The following HSF2BP variants were observed in gnomAD, a reference collection of about 807,000 sequenced individuals.
HSF2BP encodes heat shock transcription factor 2 binding protein.
Under a neutral mutation model 35.0 loss-of-function variants are expected in HSF2BP, and 35 were observed. The observed-to-expected ratio is 1.00, with a 90% CI of 0.76 to 1.32. HSF2BP has a LOEUF of 1.32. Ranked by LOEUF, HSF2BP falls within the 40% of genes most tolerant of loss-of-function variation. HSF2BP has a pLI of 0.00. For synonymous variants in HSF2BP, 114 were observed against 117.4 expected, an observed-to-expected ratio of 0.97 and a Z score of 0.18; for missense variants, 326 against 321.7, an observed-to-expected ratio of 1.01 and a Z score of -0.10.
intron 4 of HSF2BP, among the ~76,000 whole-genome samples, chr21:43,639,954 T>C (rs1282600436): frequency 3.9e-5 from 6 of 152,128 alleles, no homozygotes; most frequent in African/African-American, 1.4e-4. Flanking sequence ...TACCATGGAA[T>C]ATGAGGCAAT....
chr21:43,633,473 A>G (rs1158087570), intron 4 of HSF2BP, 52 bp from the exon 5 acceptor site: 2 of 1,406,464 alleles, frequency 1.4e-6, no homozygotes, highest in East Asian at 2.5e-5. Context: ...ACCTTGATAT[A>G]TCTTTATTAC....
At chr21:43,630,165 T>C (rs2082436325) in intron 6 of HSF2BP, among the ~76,000 whole-genome samples, 157 bp downstream of exon 6, 1 of 152,256 alleles carries the variant, frequency 6.6e-6, no homozygotes, top group African/African-American at 2.4e-5. Context: ...ATAATGCTAT[T>C]GTACATACAA....
At chr21:43,616,685 G>A (rs2082274994) in intron 6 of HSF2BP, among the ~76,000 whole-genome samples, 1 of 152,156 alleles carries the variant, frequency 6.6e-6, no homozygotes, top group Admixed American at 6.5e-5. Flanking sequence ...TGTAATCCCA[G>A]CACTTTGGGA....
In HSF2BP at chr21:43,652,843, G is replaced by A. The variant is rs2082808306; in HGVS notation, c.187+3744C>T. Among the ~76,000 whole-genome samples the A allele has an allele frequency of 3.3e-5, 5 of 152,076 alleles. No individual in the cohort carries two copies. The South Asian group carries it at 1.0e-3, about 32-fold the overall frequency. On this transcript the variant is annotated intron_variant, in intron 3 of 8. Coordinates refer to ENST00000291560, the MANE Select transcript of HSF2BP (RefSeq NM_007031.2). ...ATGAGATAGGACTGCAAACTAGAAAGAAGGGCATCAGGCCAGGCGCAGTGG... is the reference window on the plus strand; with the variant it reads ...ATGAGATAGGACTGCAAACTAGAAAAAAGGGCATCAGGCCAGGCGCAGTGG...
At chr21:43,657,304 G>A (rs1321575765) in intron 2 of HSF2BP, among the ~76,000 whole-genome samples, 1 of 152,210 alleles carries the variant, frequency 6.6e-6, no homozygotes, top group East Asian at 1.9e-4. Context: ...AGGCTGCAGT[G>A]AGCTATGATC....
intron 6 of HSF2BP, among the ~76,000 whole-genome samples, chr21:43,628,141 A>G (rs2082411824): frequency 6.6e-6 from 1 of 152,244 alleles, no homozygotes; most frequent in African/African-American, 2.4e-5. Context: ...AATGACCTCT[A>G]AATGTTCAAG....
Position 43,613,842 on chromosome 21 carries a change from G to T in HSF2BP, c.680C>A (p.Thr227Asn), listed in dbSNP as rs1282504311. 1 of 1,610,498 alleles carries T rather than the reference G, an allele frequency of 6.2e-7. No homozygotes were observed. The highest frequency in any genetic ancestry group is 1.7e-5 in the Admixed American group (1 of 59,994). The part of the protein sequence containing the change: ...LLGDLKPGQC[T>N]KLKVLMLMSL... Reference sequence around the variant, plus strand: ...TTATCCACCATACACTTTGAGTTTGGTACACTGTCCTGGCTTCAAGTCTCC... The same window carrying T: ...TTATCCACCATACACTTTGAGTTTGTTACACTGTCCTGGCTTCAAGTCTCC... Residue 227 changes from threonine to asparagine, a missense_variant, in exon 7 of 9, where the codon ACC (threonine) becomes AAC (asparagine). By Grantham distance (65) the Thr-to-Asn change is moderately conservative. Coordinates refer to ENST00000291560, the MANE Select transcript of HSF2BP (RefSeq NM_007031.2).
intron 7 of HSF2BP, among the ~76,000 whole-genome samples, chr21:43,596,904 A>AAGTG: frequency 7.4e-6 from 1 of 136,034 alleles, no homozygotes; most frequent in Admixed American, 7.6e-5. Flanking sequence ...AAAAAAAAAA[A>AAGTG]AGAGAATTTT....
At chr21:43,602,583 G>C (rs140487422) in intron 7 of HSF2BP, among the ~76,000 whole-genome samples, 1 of 152,242 alleles carries the variant, frequency 6.6e-6, no homozygotes, top group Admixed American at 6.5e-5. Flanking sequence ...CAGTAACTTC[G>C]AGAAACAGGA....
At chr21:43,612,524 G>A (rs956064261) in intron 7 of HSF2BP, among the ~76,000 whole-genome samples, 8 of 152,120 alleles carry the variant, frequency 5.3e-5, no homozygotes, top group African/African-American at 1.4e-4. Context: ...GGTGGCGGGC[G>A]CCTGTAGTCC....
At chr21:43,658,363 G>A in intron 1 of HSF2BP, 43 bp from the exon 2 acceptor site, 1 of 513,904 alleles carries the variant, frequency 1.9e-6, no homozygotes, top group Non-Finnish European at 3.4e-6. Flanking sequence ...TAAGTGTCAA[G>A]TAAAATAAAT....
At chr21:43,658,894 C>A (rs1335419765) in intron 1 of HSF2BP, among the ~76,000 whole-genome samples, 1 of 152,238 alleles carries the variant, frequency 6.6e-6, no homozygotes, top group Non-Finnish European at 1.5e-5. Context: ...GCCTTTCCTT[C>A]CAGTCTCAAC....
At chr21:43,643,769 T>C (rs1231397303) in intron 4 of HSF2BP, among the ~76,000 whole-genome samples, 1 of 152,042 alleles carries the variant, frequency 6.6e-6, no homozygotes, top group East Asian at 1.9e-4. Flanking sequence ...CCATCCTGGC[T>C]AACACAATGA....
intron 8 of HSF2BP, among the ~76,000 whole-genome samples, chr21:43,573,096 C>T (rs1370874669): frequency 6.6e-6 from 1 of 152,174 alleles, no homozygotes; most frequent in African/African-American, 2.4e-5. Context: ...CGTGTGTGTC[C>T]CCAGCTGTCC....
chr21:43,624,860 T>C (rs987326499), intron 6 of HSF2BP, among the ~76,000 whole-genome samples: 2 of 152,176 alleles, frequency 1.3e-5, no homozygotes, highest in African/African-American at 4.8e-5. Flanking sequence ...ATTTGCCCTC[T>C]TATCCAAGTT....
intron 7 of HSF2BP, among the ~76,000 whole-genome samples, chr21:43,611,838 G>A (rs2082208470): frequency 6.6e-6 from 1 of 152,196 alleles, no homozygotes; most frequent in Non-Finnish European, 1.5e-5. Context: ...CATTCCAGGT[G>A]GGGGACTGAA....
At chr21:43,618,185 G>A (rs764211429) in intron 6 of HSF2BP, among the ~76,000 whole-genome samples, 5 of 151,920 alleles carry the variant, frequency 3.3e-5, no homozygotes, top group African/African-American at 9.7e-5. Context: ...GCTTGAACCC[G>A]GGAGTTTGAG....
chr21:43,601,180 C>T (rs886266597), intron 7 of HSF2BP, among the ~76,000 whole-genome samples: 4 of 152,294 alleles, frequency 2.6e-5, no homozygotes, highest in African/African-American at 7.2e-5. Context: ...ACTCTGTCCT[C>T]GGCATGTGCA....
chr21:43,467,959 TTACACCACACACACACCACA>T, the HSF2BP span, among the ~76,000 whole-genome samples: 1 of 13,538 alleles, frequency 7.4e-5, no homozygotes, highest in South Asian at 3.1e-3. Context: ...CACACCACAC[TTACACCACACACACACCACA>T]CACACCACAC....
Sources: allele counts gnomAD v4.1 joint callset (sites outside exome capture counted in the v4.1 genomes callset), GRCh38; gene constraint gnomAD v4.1.1; transcripts MANE v1.5; gene names NCBI Gene and HGNC (gene_info 2026-07-23, HGNC 2026-07-21).